The following REEP5 variants were observed in gnomAD, a reference collection of about 807,000 sequenced individuals.
REEP5 encodes receptor expression-enhancing protein 5.
In REEP5, 24 loss-of-function variants were observed where a neutral mutation model predicts 22.4. The observed-to-expected ratio is 1.07, with a 90% CI of 0.78 to 1.51. The LOEUF is 1.51. Ranked by LOEUF, REEP5 falls within the 40% of genes most tolerant of loss-of-function variation. The pLI is 0.00. For synonymous variants in REEP5, 103 were observed against 88.6 expected, an observed-to-expected ratio of 1.16 and a Z score of -0.92; for missense variants, 252 against 233.0, an observed-to-expected ratio of 1.08 and a Z score of -0.53.
At chr5:112,879,309 C>T (rs1053939449) in intron 4 of REEP5, among the ~76,000 whole-genome samples, 4 of 96,048 alleles carry the variant, frequency 4.2e-5, no homozygotes, top group African/African-American at 1.9e-4. Context: ...TACAGTCATC[C>T]CTTGATATAT....
At position 112,878,853 on chromosome 5, in the gene REEP5, G is replaced by C; in HGVS notation, c.521-18C>G. The C allele has an allele frequency of 6.2e-7, 1 of 1,613,962 alleles. No homozygotes were observed. Among genetic ancestry groups the C allele is most frequent in the African/African-American group, 1.3e-5 (1 of 75,000 alleles). Reference sequence around the variant, plus strand: ...TTTCTTCGCTGTTTGTTTGTTAGGAGGGAAAGAAAAATATATCAAAGCTCT... The same window carrying C: ...TTTCTTCGCTGTTTGTTTGTTAGGACGGAAAGAAAAATATATCAAAGCTCT... On this transcript the variant is annotated intron_variant, in intron 4 of 4. Transcript: ENST00000379638.
intron 2 of REEP5, among the ~76,000 whole-genome samples, chr5:112,905,546 A>C (rs369752787): frequency 1.1e-3 from 164 of 149,638 alleles, no homozygotes; most frequent in Middle Eastern, 6.8e-3. Flanking sequence ...GTCTCAAAAA[A>C]AAAACAAAAC....
At chr5:112,891,442 AC>A (rs1385872531) in intron 3 of REEP5, among the ~76,000 whole-genome samples, 5 of 152,184 alleles carry the variant, frequency 3.3e-5, no homozygotes, top group African/African-American at 1.2e-4. Context: ...ATACTTAATT[AC>A]AAAAAAAGTC....
At chr5:112,915,171 A>G (rs1769203886) in intron 2 of REEP5, among the ~76,000 whole-genome samples, 1 of 152,100 alleles carries the variant, frequency 6.6e-6, no homozygotes, top group Admixed American at 6.5e-5. Flanking sequence ...TACGACAGAA[A>G]GAAGGACAAA....
At chr5:112,895,470 C>T (rs1768653500) in intron 3 of REEP5, 1 of 137,900 alleles carries the variant, frequency 7.3e-6, no homozygotes, top group South Asian at 2.2e-4. Context: ...GCAATCCAGA[C>T]AAGCTTATTA....
In REEP5 at chr5:112,878,164, T is replaced by G. The variant is rs1767955347; in HGVS notation, c.*622A>C. On this transcript the variant is annotated 3_prime_UTR_variant, in exon 5 of 5. Transcript: ENST00000379638. ...TCATTTCTCACTTTGTTCACTTGCA[T>G]ATTAATCACGTATTTCCTAAAGTAT... 1 of 152,660 alleles carries G rather than the reference T, an allele frequency of 6.6e-6. No individual in the cohort carries two copies. The highest frequency in any genetic ancestry group is 6.5e-5 in the Admixed American group (1 of 15,286). The allele number at this position is 152,660 out of a possible 1,614,324, so 9.5% of individuals were successfully genotyped here. A position where few individuals can be genotyped will look rare whatever the true frequency, so the allele number is the denominator to read the frequency against.
chr5:112,878,644 C>T lies in REEP5; in HGVS notation c.*142G>A. 8.1e-7 allele frequency: 1 copy of T among 1,237,476 alleles called. No homozygotes were observed. Among genetic ancestry groups the T allele is most frequent in the Non-Finnish European group, 1.1e-6 (1 of 895,702 alleles). 76.7% of individuals were successfully genotyped at this position (1,237,476 alleles called of 1,614,324 possible). A position where few individuals can be genotyped will look rare whatever the true frequency, so the allele number is the denominator to read the frequency against. On this transcript the variant is annotated 3_prime_UTR_variant, in exon 5 of 5. Coordinates refer to ENST00000379638, the MANE Select transcript of REEP5 (RefSeq NM_005669.5). The stretch of plus-strand genomic sequence containing the variant: ...TAGACAGTAAAAGTAAGCAAAGAAA[C>T]TTACAACACATTCCAATCTTTAATA...
At chr5:112,889,708 G>A (rs978235370) in intron 3 of REEP5, among the ~76,000 whole-genome samples, 1 of 150,406 alleles carries the variant, frequency 6.6e-6, no homozygotes, top group Non-Finnish European at 1.5e-5. Flanking sequence ...TGATATACTA[G>A]CCAGGCTTAC....
rs549568422 is a variant in REEP5, at chr5:112,916,932, T to C, written c.212+4231A>G. ...TTTGCAAAGCACTTAGACAGAGATA[T>C]GTACATATCTGTTAAATAAAATGCT... On this transcript the variant is annotated intron_variant, in intron 2 of 4. Coordinates refer to ENST00000379638, the MANE Select transcript of REEP5 (RefSeq NM_005669.5). Among the ~76,000 whole-genome samples the C allele has an allele frequency of 3.3e-5, 5 of 152,342 alleles. 1 individual carries two copies. In the South Asian group the frequency reaches 1.0e-3, roughly 32 times the overall value.
chr5:112,902,460 C>T lies in REEP5; in HGVS notation c.271G>A (p.Val91Ile), dbSNP rs1473068087. The change falls in exon 3 of 5, where the codon GTA becomes ATA. Residue 91 changes from valine to isoleucine, a missense_variant. Physicochemically the swap from Val to Ile is conservative, Grantham distance 29. Transcript: ENST00000379638. ...EDDTQWLTYW[V>I]VYGVFSIAEF... ...GCAATGCTGAACACACCATACACTA[C>T]CCAGTAGGTCAGCCACTGGGTATCA... is the stretch of plus-strand genomic sequence containing the variant. The T allele has an allele frequency of 8.1e-6, 13 of 1,612,664 alleles. No homozygotes were observed. Among genetic ancestry groups the T allele is most frequent in the South Asian group, 2.2e-5 (2 of 90,792 alleles).
intron 3 of REEP5, chr5:112,897,763 TA>T (rs1768734639): frequency 6.6e-6 from 1 of 152,066 alleles, no homozygotes; most frequent in African/African-American, 2.4e-5. Context: ...AATAAAATAT[TA>T]AACATGTCCT....
intron 2 of REEP5, among the ~76,000 whole-genome samples, chr5:112,918,081 T>C (rs770999312): frequency 6.6e-6 from 1 of 151,950 alleles, no homozygotes; most frequent in Non-Finnish European, 1.5e-5. Context: ...AAGAGGGAAG[T>C]AAGGAGATTA....
At chr5:112,884,396 T>A (rs1189750705) in intron 4 of REEP5, among the ~76,000 whole-genome samples, 1 of 151,982 alleles carries the variant, frequency 6.6e-6, no homozygotes, top group African/African-American at 2.4e-5. Flanking sequence ...TATTTTTTTT[T>A]TTTTTTAGGG....
At chr5:112,921,742 AG>A in intron 1 of REEP5, 1 of 238,940 alleles carries the variant, frequency 4.2e-6, no homozygotes, top group Non-Finnish European at 8.1e-6. Context: ...GCCCGCCCGC[AG>A]GGGCCCCGCC....
At chr5:112,908,305 G>A (rs957229087) in intron 2 of REEP5, among the ~76,000 whole-genome samples, 9 of 151,920 alleles carry the variant, frequency 5.9e-5, no homozygotes, top group Admixed American at 3.3e-4. Flanking sequence ...GTTTCACCAT[G>A]TTGGCCAAGT....
chr5:112,899,262 G>T (rs1449587277), intron 3 of REEP5, among the ~76,000 whole-genome samples: 1 of 144,594 alleles, frequency 6.9e-6, no homozygotes, highest in East Asian at 2.0e-4. Flanking sequence ...TTGGTTTTCG[G>T]TTTTTTTTTT....
intron 3 of REEP5, chr5:112,892,159 C>G (rs750379852): frequency 6.2e-6 from 10 of 1,614,096 alleles, no homozygotes; most frequent in Non-Finnish European, 8.5e-6. Context: ...GGAGAAGGAT[C>G]GAGCTAATTG....
chr5:112,903,381 A>G (rs1272399599), intron 2 of REEP5, among the ~76,000 whole-genome samples: 1 of 152,186 alleles, frequency 6.6e-6, no homozygotes, highest in African/African-American at 2.4e-5. Flanking sequence ...CAGGGAGCTA[A>G]GCTATGAGGA....
rs1225809145 is a variant in REEP5 at position 112,877,413 on chromosome 5, A to C, written c.*1373T>G. ...AGGACTCTTAACAGTATGGTGTAAA[A>C]CTCAGATTTTCTAGTCCAGACAAAT... On this transcript the variant is annotated 3_prime_UTR_variant, in exon 5 of 5. Transcript: ENST00000379638. 6.6e-6 allele frequency: 1 copy of C among 152,088 alleles called. No homozygotes were observed. The highest frequency in any genetic ancestry group is 1.5e-5 in the Non-Finnish European group (1 of 68,002). The allele number at this position is 152,088 out of a possible 1,614,324, so 9.4% of individuals were successfully genotyped here.
Sources: allele counts gnomAD v4.1 joint callset (sites outside exome capture counted in the v4.1 genomes callset), GRCh38; gene constraint gnomAD v4.1.1; transcripts MANE v1.5; gene names NCBI Gene and HGNC (gene_info 2026-07-23, HGNC 2026-07-21).